CRB1: variants seen among roughly 807,000 people sequenced by gnomAD.
CRB1 encodes protein crumbs homolog 1.
Under a neutral mutation model 120.0 loss-of-function variants are expected in CRB1, and 83 were observed. That is an observed-to-expected ratio of 0.69 (90% CI 0.58 to 0.83). The LOEUF is 0.83. CRB1 is among the 40% of genes least tolerant of loss of function. The probability of loss-of-function intolerance (pLI) is 0.00; values close to 1 mark genes in which losing one functional copy is unlikely to be tolerated. For synonymous variants in CRB1, 625 were observed against 612.5 expected, an observed-to-expected ratio of 1.02 and a Z score of -0.30; for missense variants, 1,699 against 1,687.6, an observed-to-expected ratio of 1.01 and a Z score of -0.12.
chr1:197,263,803 C>A (rs989205138), upstream of CRB1, among the ~76,000 whole-genome samples: 1 of 151,844 alleles, frequency 6.6e-6, no homozygotes, highest in Admixed American at 6.6e-5. Flanking sequence ...TCAGATCTAT[C>A]TTCTGTTTAG....
chr1:197,257,291 C>T, the CRB1 span, among the ~76,000 whole-genome samples: 1,083 of 152,164 alleles, frequency 7.1e-3, 16 homozygotes, highest in African/African-American at 0.022. Flanking sequence ...GGATGATGCC[C>T]GCCCGCTTTG....
Position 197,427,618 on chromosome 1 carries a change from G to A in CRB1, c.2293G>A (p.Val765Ile), listed in dbSNP as rs1363051651. 3.7e-6 allele frequency: 6 copies of A among 1,613,792 alleles called. No homozygotes were observed. In the Admixed American group the frequency reaches 6.7e-5, roughly 18 times the overall value. The change falls in exon 7 of 12, where the codon GTC becomes ATC. Residue 765 changes from valine to isoleucine, a missense_variant. Transcript: ENST00000367400. The stretch of plus-strand genomic sequence containing the variant: ...AAACAGCACTTATCAATATATCCGT[G>A]TCTGGCTAGAGCGCGGCAGACTAGC... ...LENSTYQYIR[V>I]WLERGRLAML...
At chr1:197,403,275 T>C (rs1306637301) in intron 5 of CRB1, among the ~76,000 whole-genome samples, 1 of 152,234 alleles carries the variant, frequency 6.6e-6, no homozygotes, top group Non-Finnish European at 1.5e-5. Context: ...AGAACAGTGG[T>C]TTCTTTAATA....
chr1:197,368,163 C>A (rs915313060), intron 5 of CRB1, among the ~76,000 whole-genome samples: 9 of 152,140 alleles, frequency 5.9e-5, no homozygotes, highest in African/African-American at 2.2e-4. Flanking sequence ...AGAATTTTTT[C>A]ATTTGCTGAC....
chr1:197,390,708 G>A (rs1010987275), intron 5 of CRB1, among the ~76,000 whole-genome samples: 9 of 151,822 alleles, frequency 5.9e-5, no homozygotes, highest in African/African-American at 9.7e-5. Flanking sequence ...TTTTAAAGAC[G>A]TGAATTTTTT....
intron 1 of CRB1, among the ~76,000 whole-genome samples, chr1:197,280,634 G>A (rs187131842): frequency 3.3e-4 from 50 of 151,908 alleles, no homozygotes; most frequent in African/African-American, 5.8e-4. Flanking sequence ...GCAGTAATGC[G>A]TACTGGAATT....
intron 11 of CRB1, among the ~76,000 whole-genome samples, chr1:197,469,212 CCT>C (rs1481968558): frequency 6.6e-6 from 1 of 151,960 alleles, no homozygotes; most frequent in East Asian, 1.9e-4. Flanking sequence ...AGAGTGAGAC[CCT>C]GTCTCAAAAT....
chr1:197,469,029 A>C (rs1044760374), intron 11 of CRB1, among the ~76,000 whole-genome samples: 1 of 152,122 alleles, frequency 6.6e-6, no homozygotes, highest in Non-Finnish European at 1.5e-5. Flanking sequence ...GATGACCCTC[A>C]TGAGGAAATG....
At chr1:197,321,396 C>T (rs915016744) in intron 1 of CRB1, among the ~76,000 whole-genome samples, 1 of 152,228 alleles carries the variant, frequency 6.6e-6, no homozygotes, top group African/African-American at 2.4e-5. Context: ...CCAGTAACCA[C>T]AGTAACCTAG....
intron 6 of CRB1, among the ~76,000 whole-genome samples, chr1:197,425,184 T>A (rs572347655): frequency 6.6e-6 from 1 of 152,304 alleles, no homozygotes; most frequent in African/African-American, 2.4e-5. Flanking sequence ...GCATTTTATC[T>A]CATATGAAAG....
intron 1 of CRB1, among the ~76,000 whole-genome samples, chr1:197,297,019 T>A (rs1376526425): frequency 6.6e-6 from 1 of 152,068 alleles, no homozygotes. Context: ...TCCTCCTTGA[T>A]TGACTTCCTC....
chr1:197,408,843 A>G (rs1057227744), intron 5 of CRB1, among the ~76,000 whole-genome samples: 1 of 152,242 alleles, frequency 6.6e-6, no homozygotes, highest in African/African-American at 2.4e-5. Context: ...AGTAAAGTCA[A>G]CAAGAGTGAG....
the CRB1 span, among the ~76,000 whole-genome samples, chr1:197,245,499 C>T: frequency 6.6e-6 from 1 of 152,008 alleles, no homozygotes; most frequent in African/African-American, 2.4e-5. Flanking sequence ...CAAAGGTAGA[C>T]CCCATCTCTT....
chr1:197,461,497 G>A (rs916340783), intron 11 of CRB1, among the ~76,000 whole-genome samples: 3 of 152,256 alleles, frequency 2.0e-5, no homozygotes, highest in Middle Eastern at 3.4e-3. Flanking sequence ...GCATTTGAGT[G>A]GCTGCCTCTT....
At chr1:197,473,877 A>G (rs1044216107) in intron 11 of CRB1, among the ~76,000 whole-genome samples, 1 of 151,940 alleles carries the variant, frequency 6.6e-6, no homozygotes, top group Non-Finnish European at 1.5e-5. Flanking sequence ...CCTTTCAACC[A>G]TGGGAATTTA....
At chr1:197,358,341 G>A (rs1434345762) in intron 5 of CRB1, among the ~76,000 whole-genome samples, 2 of 152,224 alleles carry the variant, frequency 1.3e-5, no homozygotes, top group South Asian at 2.1e-4. Context: ...TTGGTTTTAG[G>A]GTCATAAAGG....
At chr1:197,211,824 A>C in the CRB1 span, among the ~76,000 whole-genome samples, 1,039 of 152,108 alleles carry the variant, frequency 6.8e-3, 6 homozygotes, top group Admixed American at 0.012. Context: ...TTTTCAAAAG[A>C]CAATGTTAAG....
At chr1:197,423,054 A>AT (rs11453305) in intron 6 of CRB1, among the ~76,000 whole-genome samples, 2,646 of 152,126 alleles carry the variant, frequency 0.017, 36 homozygotes, top group Middle Eastern at 0.031. Flanking sequence ...TTGTTTTGTG[A>AT]TTTTTTTTAA....
chr1:197,359,217 A>G (rs78944772), intron 5 of CRB1, among the ~76,000 whole-genome samples: 2,873 of 152,200 alleles, frequency 0.019, 80 homozygotes, highest in African/African-American at 0.062. Flanking sequence ...CAAGGATGCC[A>G]CCTCTCTCCT....
Sources: gnomAD v4.1 joint callset for allele counts (sites outside exome capture counted in the v4.1 genomes callset) on GRCh38, gnomAD v4.1.1 for gene constraint, MANE v1.5 for transcripts, NCBI Gene and HGNC (gene_info 2026-07-23, HGNC 2026-07-21) for gene names.